Variants in CAMTA1 observed in about 807,000 individuals in gnomAD.
CAMTA1 encodes the protein calmodulin binding transcription activator 1, also known as calmodulin-binding transcription activator 1.
In CAMTA1, 27 loss-of-function variants were observed where a neutral mutation model predicts 170.9. The ratio of observed to expected loss-of-function variants is 0.16; its 90% confidence interval spans 0.12 to 0.22. CAMTA1 has a LOEUF of 0.22. CAMTA1 is among the 10% of genes least tolerant of loss of function. The probability of loss-of-function intolerance (pLI) is 1.00; values close to 1 mark genes in which losing one functional copy is unlikely to be tolerated. For missense variants in CAMTA1, 1,619 were observed against 2,217.2 expected, an observed-to-expected ratio of 0.73 and a Z score of 5.42; for synonymous variants, 833 against 891.5, an observed-to-expected ratio of 0.93 and a Z score of 1.17.
chr1:7,439,457 G>C (rs1308245845), intron 5 of CAMTA1, among the ~76,000 whole-genome samples: 1 of 152,174 alleles, frequency 6.6e-6, no homozygotes, highest in Admixed American at 6.5e-5. Context: ...CCCCACTCCT[G>C]CCTCACTGCG....
chr1:6,974,606 C>T lies in CAMTA1; in HGVS notation c.235-116698C>T, dbSNP rs79110122. Among the ~76,000 whole-genome samples the T allele has an allele frequency of 3.3e-3, 498 of 152,238 alleles. 20 individuals carry two copies. In the East Asian group the frequency reaches 0.078, roughly 24 times the overall value. On this transcript the variant is annotated intron_variant, in intron 3 of 22. Transcript: ENST00000303635. The stretch of plus-strand genomic sequence containing the variant: ...CTGTGCGCTCCCTGTGAATGTTGGT[C>T]GGGCAGGGAGGCTGCTCGGAGGGAG...
chr1:7,260,086 T>G (rs1327949278), intron 5 of CAMTA1, among the ~76,000 whole-genome samples: 1 of 152,246 alleles, frequency 6.6e-6, no homozygotes, highest in African/African-American at 2.4e-5. Context: ...ATTCTGCCAT[T>G]GTAGCATGAA....
intron 11 of CAMTA1, among the ~76,000 whole-genome samples, chr1:7,704,560 G>T (rs1025633783): frequency 6.7e-6 from 1 of 148,630 alleles, no homozygotes; most frequent in African/African-American, 2.4e-5. Flanking sequence ...TTCCGGCGCA[G>T]TCCCCGCGCC....
At position 7,592,118 on chromosome 1, in the gene CAMTA1, C is replaced by T. The variant is rs1353361703; in HGVS notation, c.511-48282C>T. ...TTCATCATGTTGGCCAGGCTGGTCT[C>T]GAACTCCTGACCTCAGATGATCTGC... On this transcript the variant is annotated intron_variant, in intron 6 of 22. Coordinates refer to ENST00000303635, the MANE Select transcript of CAMTA1 (RefSeq NM_015215.4). The surrounding 1 kb of genome is among the most constrained non-coding windows in gnomAD (Gnocchi z 4.6). Among the ~76,000 whole-genome samples, 12 of 152,034 alleles carry T rather than the reference C, an allele frequency of 7.9e-5. No homozygotes were observed. The highest frequency in any genetic ancestry group is 2.7e-4 in the African/African-American group (11 of 41,380).
chr1:7,082,440 AATAGATAGATAGATAGATAGATAG>A (rs150422699), intron 3 of CAMTA1, among the ~76,000 whole-genome samples: 1 of 142,208 alleles, frequency 7.0e-6, no homozygotes, highest in African/African-American at 2.7e-5. Flanking sequence ...TGCATCTCGA[AATAGATAGATAGATAGATAGATAG>A]ATAGATAGAT....
intron 3 of CAMTA1, among the ~76,000 whole-genome samples, chr1:6,845,642 T>C (rs1043078967): frequency 7.2e-5 from 11 of 152,378 alleles, no homozygotes; most frequent in Admixed American, 5.2e-4. Flanking sequence ...ATTTAAGTGC[T>C]GCTTCTTGGA....
chr1:7,137,027 A>G (rs1309127960), intron 4 of CAMTA1, among the ~76,000 whole-genome samples: 1 of 152,116 alleles, frequency 6.6e-6, no homozygotes, highest in Non-Finnish European at 1.5e-5. Context: ...GATATCTCGG[A>G]CTTAAGCGTC....
chr1:7,586,229 C>T (rs566503611), intron 6 of CAMTA1, among the ~76,000 whole-genome samples: 1 of 152,102 alleles, frequency 6.6e-6, no homozygotes, highest in Admixed American at 6.5e-5. Flanking sequence ...CAGGGCCCAG[C>T]GGTGGGGATC....
chr1:7,734,039 C>A (rs375914931), intron 12 of CAMTA1, among the ~76,000 whole-genome samples: 1 of 152,288 alleles, frequency 6.6e-6, no homozygotes, highest in East Asian at 1.9e-4. Flanking sequence ...CCTCCGCCTC[C>A]GAGGTTCAAG....
chr1:7,668,010 G>A (rs568382543), intron 9 of CAMTA1, among the ~76,000 whole-genome samples: 10 of 152,250 alleles, frequency 6.6e-5, no homozygotes, highest in African/African-American at 2.4e-4. Context: ...CCCCATCCTG[G>A]GTTCTACAGG....
intron 4 of CAMTA1, among the ~76,000 whole-genome samples, chr1:7,186,076 C>T (rs780358873): frequency 3.3e-5 from 5 of 152,176 alleles, no homozygotes; most frequent in Non-Finnish European, 5.9e-5. Context: ...ACAGGGGCAT[C>T]GTGGCTTTGC....
At chr1:7,016,474 A>G (rs1700552052) in intron 3 of CAMTA1, among the ~76,000 whole-genome samples, 1 of 152,266 alleles carries the variant, frequency 6.6e-6, no homozygotes, top group Admixed American at 6.5e-5. Context: ...AATTAATTTT[A>G]CAGAATTTTG....
intron 6 of CAMTA1, among the ~76,000 whole-genome samples, chr1:7,491,663 T>TA (rs1405701385): frequency 5.9e-5 from 9 of 152,140 alleles, no homozygotes; most frequent in Admixed American, 5.9e-4. Context: ...GCAGGCTTGT[T>TA]AAAGGAAATG....
In CAMTA1 at chr1:7,665,239, C is replaced by T. The variant is rs1392216225; in HGVS notation, c.2652+40C>T. The T allele has an allele frequency of 3.5e-6, 5 of 1,420,736 alleles. No homozygotes were observed. Among genetic ancestry groups the T allele is most frequent in the Non-Finnish European group, 4.6e-6 (5 of 1,089,906 alleles). 88.0% of individuals were successfully genotyped at this position (1,420,736 alleles called of 1,614,324 possible). A position where few individuals can be genotyped will look rare whatever the true frequency, so the allele number is the denominator to read the frequency against. On this transcript the variant is annotated intron_variant, in intron 9 of 22. Transcript: ENST00000303635. The surrounding 1 kb of genome is among the most constrained non-coding windows in gnomAD (Gnocchi z 4.3). Reference sequence around the variant, plus strand: ...CTGCCACCACCTGTCACCTCCCCTCCCACCCACCTCGCCAGCCCCTGCGCC... The same window carrying T: ...CTGCCACCACCTGTCACCTCCCCTCTCACCCACCTCGCCAGCCCCTGCGCC...
intron 3 of CAMTA1, among the ~76,000 whole-genome samples, chr1:6,905,554 T>C (rs988168141): frequency 1.3e-5 from 2 of 151,990 alleles, no homozygotes; most frequent in Non-Finnish European, 2.9e-5. Context: ...CCAGCCCCGC[T>C]TCCCTCTCAT....
intron 3 of CAMTA1, among the ~76,000 whole-genome samples, chr1:7,038,259 G>A (rs1454903754): frequency 6.6e-6 from 1 of 152,112 alleles, no homozygotes; most frequent in African/African-American, 2.4e-5. Context: ...AGCATTCAAA[G>A]GCATATTTAC....
At chr1:7,452,062 C>T (rs776158146) in intron 5 of CAMTA1, among the ~76,000 whole-genome samples, 1 of 152,216 alleles carries the variant, frequency 6.6e-6, no homozygotes, top group African/African-American at 2.4e-5. Flanking sequence ...AACACCAGGC[C>T]GGGGGGCTAA....
chr1:7,361,145 T>C (rs10864297), intron 5 of CAMTA1, among the ~76,000 whole-genome samples: 140,978 of 152,302 alleles, frequency 0.93, 65,307 homozygotes, highest in East Asian at 1. Context: ...AAAATAGGAG[T>C]GGCGCCATAT....
chr1:7,425,338 G>A (rs748964505), intron 5 of CAMTA1, among the ~76,000 whole-genome samples: 2 of 152,110 alleles, frequency 1.3e-5, no homozygotes, highest in African/African-American at 4.8e-5. Flanking sequence ...GGGGGCCAGC[G>A]GGGCTCTTGG....
Sources: allele counts gnomAD v4.1 joint callset (sites outside exome capture counted in the v4.1 genomes callset), GRCh38; gene constraint gnomAD v4.1.1; non-coding constraint Gnocchi (gnomAD v3.1); transcripts MANE v1.5; gene names NCBI Gene and HGNC (gene_info 2026-07-23, HGNC 2026-07-21).